The following RALGAPB variants were observed in gnomAD, a reference collection of about 807,000 sequenced individuals.
RALGAPB encodes Ral GTPase activating protein non-catalytic subunit beta.
RALGAPB carries 25 observed loss-of-function variants against 161.1 expected under a neutral mutation model. The observed-to-expected ratio is 0.16, with a 90% CI of 0.11 to 0.22. The LOEUF is 0.22. Among genes scored for constraint, RALGAPB ranks in the 10% least tolerant of loss-of-function variants. RALGAPB has a pLI of 1.00. For missense variants in RALGAPB, 1,391 were observed against 1,815.2 expected (o/e 0.77, Z 4.25); for synonymous variants, 629 against 626.1 (o/e 1.00, Z -0.07).
chr20:38,574,925 T>A lies in RALGAPB; in HGVS notation c.4443T>A (p.Thr1481=), dbSNP rs1423511481. The change falls in exon 30 of 30, where the codon ACT becomes ACA. Residue 1481 remains threonine, a synonymous_variant. Transcript: ENST00000262879. ...RNKQLEPEFY[T]SLFQEVGLKN... ...AGCAGCTGGAGCCAGAGTTTTATACTTCACTTTTCCAGGAGGTTGGACTCA... is the reference window on the plus strand; with the variant it reads ...AGCAGCTGGAGCCAGAGTTTTATACATCACTTTTCCAGGAGGTTGGACTCA... The A allele has an allele frequency of 1.9e-6, 3 of 1,614,046 alleles. No individual in the cohort carries two copies. The highest frequency in any genetic ancestry group is 2.5e-6 in the Non-Finnish European group (3 of 1,179,888).
At chr20:38,486,157 A>G (rs1305606822) in intron 1 of RALGAPB, among the ~76,000 whole-genome samples, 1 of 151,532 alleles carries the variant, frequency 6.6e-6, no homozygotes, top group African/African-American at 2.4e-5. Context: ...TTTAGTAGAG[A>G]CAGGGTTTCA....
In RALGAPB at chr20:38,561,056, G is replaced by C. The variant is rs56406999; in HGVS notation, c.3532-1476G>C. On this transcript the variant is annotated intron_variant, in intron 23 of 29. Coordinates refer to ENST00000262879, the MANE Select transcript of RALGAPB (RefSeq NM_020336.4). ...AGAGACTGGTTTTAGGCCGGGTGTG[G>C]TGGCTCATGCCTGTAATCCCAGCAC... is the stretch of plus-strand genomic sequence containing the variant. 4.0e-3 allele frequency among the ~76,000 whole-genome samples: 605 copies of C among 152,362 alleles called. 1 individual carries two copies. The highest frequency in any genetic ancestry group is 6.9e-3 in the Non-Finnish European group (468 of 68,028).
chr20:38,519,034 C>A (rs529095439), intron 9 of RALGAPB, among the ~76,000 whole-genome samples: 1 of 151,940 alleles, frequency 6.6e-6, no homozygotes, highest in Admixed American at 6.6e-5. Flanking sequence ...ACATTATACT[C>A]GTAATTATTT....
Position 38,551,128 on chromosome 20 carries a change from G to A in RALGAPB, c.3067G>A (p.Val1023Met), listed in dbSNP as rs753063490. 3.1e-6 allele frequency: 5 copies of A among 1,613,820 alleles called. No individual in the cohort carries two copies. The highest frequency in any genetic ancestry group is 4.2e-6 in the Non-Finnish European group (5 of 1,179,860). The change falls in exon 21 of 30, where the codon GTG becomes ATG. Residue 1023 changes from valine to methionine, a missense_variant. Physicochemically the swap from Val to Met is conservative, Grantham distance 21. Transcript: ENST00000262879. Reference protein sequence around the residue: ...PKNDVGFKYSVKHRPFPEEVD... With the variant: ...PKNDVGFKYSMKHRPFPEEVD... ...AAATGACGTTGGATTTAAATATTCT[G>A]TGAAACATCGGCCATTTCCTGAAGA...
chr20:38,526,434 C>T (rs974504066), intron 13 of RALGAPB, among the ~76,000 whole-genome samples: 2 of 152,046 alleles, frequency 1.3e-5, no homozygotes, highest in Non-Finnish European at 2.9e-5. Context: ...CTTCCTCTTA[C>T]TCCTGCCCAT....
chr20:38,491,490 A>G lies in RALGAPB; in HGVS notation c.187-1440A>G, dbSNP rs571790426. On this transcript the variant is annotated intron_variant, in intron 2 of 29. Coordinates refer to ENST00000262879, the MANE Select transcript of RALGAPB (RefSeq NM_020336.4). ...TAGCCATTCTACCATCCTCTGGGCC[A>G]TATGTCTCCATCTTGTCCACAAGGA... is the stretch of plus-strand genomic sequence containing the variant. Among the ~76,000 whole-genome samples the G allele has an allele frequency of 5.3e-5, 8 of 152,312 alleles. No homozygotes were observed. In the South Asian group the frequency reaches 1.2e-3, roughly 24 times the overall value.
intron 6 of RALGAPB, among the ~76,000 whole-genome samples, chr20:38,515,628 GT>G (rs953838233): frequency 1.6e-4 from 24 of 150,956 alleles, no homozygotes; most frequent in African/African-American, 2.4e-4. Context: ...AAATATAGTT[GT>G]TTTTTTTTAA....
Position 38,546,307 on chromosome 20 carries a change from A to G in RALGAPB, c.2779A>G (p.Asn927Asp), listed in dbSNP as rs889729923. The change falls in exon 19 of 30, where the codon AAT (asparagine) becomes GAT (aspartate). Residue 927 changes from asparagine (N) to aspartate (D), a missense_variant. Asn to Asp is a conservative substitution (Grantham distance 23). This residue lies in a region of RALGAPB where 946 missense variants were observed against 1,257.2 expected (regional missense o/e 0.75). Transcript: ENST00000262879. The stretch of plus-strand genomic sequence containing the variant: ...TCCTGCCTCTCCTTGTAGTCTTGTG[A>G]ATGAGACCACTTTGATTAAATACTC... ...SGPASPCSLVNETTLIKYSRL... is the reference protein window; with the variant it reads ...SGPASPCSLVDETTLIKYSRL... The G allele has an allele frequency of 3.1e-6, 5 of 1,614,012 alleles. No individual in the cohort carries two copies. In the African/African-American group the frequency reaches 6.7e-5, roughly 22 times the overall value.
intron 22 of RALGAPB, among the ~76,000 whole-genome samples, chr20:38,555,341 G>A (rs2087542526): frequency 6.6e-6 from 1 of 152,096 alleles, no homozygotes; most frequent in Non-Finnish European, 1.5e-5. Context: ...GGACATTGCT[G>A]TTTGATTTTG....
At chr20:38,551,249 T>G (rs771039081) in intron 21 of RALGAPB, 26 bp downstream of exon 21, 4 of 1,604,884 alleles carry the variant, frequency 2.5e-6, no homozygotes, top group Middle Eastern at 1.7e-4. Flanking sequence ...TTAGCTGTTG[T>G]CAAGGGGATG....
intron 22 of RALGAPB, 41 bp from the exon 23 acceptor site, chr20:38,558,254 G>T: frequency 7.0e-7 from 1 of 1,419,620 alleles, no homozygotes; most frequent in Non-Finnish European, 9.3e-7. Flanking sequence ...AACAATGAAA[G>T]AAAATAGGTA....
intron 21 of RALGAPB, among the ~76,000 whole-genome samples, chr20:38,553,212 GAGC>G (rs1461628340): frequency 1.3e-5 from 2 of 152,138 alleles, no homozygotes; most frequent in Non-Finnish European, 2.9e-5. Flanking sequence ...GAAGGTTGAG[GAGC>G]TTGTAGAATT....
At chr20:38,486,018 G>C (rs2085104015) in intron 1 of RALGAPB, among the ~76,000 whole-genome samples, 1 of 120,724 alleles carries the variant, frequency 8.3e-6, no homozygotes, top group African/African-American at 3.3e-5. Flanking sequence ...CGCCCAGGCT[G>C]GGGTGCAATG....
At chr20:38,506,096 T>G (rs1332290369) in intron 5 of RALGAPB, among the ~76,000 whole-genome samples, 1 of 152,192 alleles carries the variant, frequency 6.6e-6, no homozygotes. Flanking sequence ...AATGAAGGGA[T>G]GTGTATGCAT....
Position 38,492,979 on chromosome 20 carries a change from A to ATG in RALGAPB, c.237_238dup (p.Gly80ValfsTer5). The ATG allele has an allele frequency of 6.2e-7, 1 of 1,612,956 alleles. No homozygotes were observed. The highest frequency in any genetic ancestry group is 8.5e-7 in the Non-Finnish European group (1 of 1,179,084). On this transcript the variant is annotated frameshift_variant, in exon 3 of 30. Coordinates refer to ENST00000262879, the MANE Select transcript of RALGAPB (RefSeq NM_020336.4). LOFTEE classifies it high-confidence loss of function. ...TGCTATGGACTGACCCTTCCATTGG[A>ATG]TGGAGAGACTGTAAAATATTGCGTT...
chr20:38,480,200 T>C, intron 1 of RALGAPB, among the ~76,000 whole-genome samples: 1 of 151,944 alleles, frequency 6.6e-6, no homozygotes, highest in Non-Finnish European at 1.5e-5. Context: ...CTGAATTAAT[T>C]ACAAATATTC....
chr20:38,525,263 T>G lies in RALGAPB; in HGVS notation c.1788-141T>G, dbSNP rs1600944377. The G allele has an allele frequency of 4.4e-6, 3 of 681,074 alleles. No homozygotes were observed. In the East Asian group the frequency reaches 8.2e-5, roughly 19 times the overall value. 42.2% of individuals were successfully genotyped at this position (681,074 alleles called of 1,614,324 possible). A position where few individuals can be genotyped will look rare whatever the true frequency, so the allele number is the denominator to read the frequency against. ...TCAATCAATCAACTTCTAGTTTAAT[T>G]CAGTAACAGTTTAACTTAGAAATAT... On this transcript the variant is annotated intron_variant, in intron 11 of 29. Coordinates refer to ENST00000262879, the MANE Select transcript of RALGAPB (RefSeq NM_020336.4).
In RALGAPB at chr20:38,574,999, G is replaced by C. The variant is rs1465460651; in HGVS notation, c.*32G>C. The C allele has an allele frequency of 6.5e-7, 1 of 1,537,828 alleles. No homozygotes were observed. Among genetic ancestry groups the C allele is most frequent in the African/African-American group, 1.4e-5 (1 of 73,150 alleles). On this transcript the variant is annotated 3_prime_UTR_variant, in exon 30 of 30. Coordinates refer to ENST00000262879, the MANE Select transcript of RALGAPB (RefSeq NM_020336.4). ...GAATTTCTAAGACTGTTGAACTCCA[G>C]TTTGGGAACTATAACACAGCAGAAC...
intron 1 of RALGAPB, among the ~76,000 whole-genome samples, chr20:38,477,696 A>G (rs2084848691): frequency 6.6e-6 from 1 of 152,194 alleles, no homozygotes; most frequent in Non-Finnish European, 1.5e-5. Context: ...GGCATGTCTT[A>G]TAATGTGTAC....
Sources: gnomAD v4.1 joint callset for allele counts (sites outside exome capture counted in the v4.1 genomes callset) on GRCh38, gnomAD v4.1.1 for gene constraint, gnomAD v4.1.1 regional missense constraint, MANE v1.5 for transcripts, NCBI Gene and HGNC (gene_info 2026-07-23, HGNC 2026-07-21) for gene names.